Variants in PCCB observed in about 807,000 individuals in gnomAD.
PCCB encodes propionyl-CoA carboxylase beta chain, mitochondrial.
Under a neutral mutation model 60.7 loss-of-function variants are expected in PCCB, and 43 were observed. That is an observed-to-expected ratio of 0.71 (90% CI 0.55 to 0.91). The LOEUF (loss-of-function observed/expected upper bound fraction) is 0.91. Ranked by LOEUF, PCCB falls within the 40% of genes least tolerant of loss-of-function variation. The pLI is 0.00. For synonymous variants in PCCB, 276 were observed against 255.9 expected (o/e 1.08, Z -0.75); for missense variants, 766 against 702.8 (o/e 1.09, Z -1.02).
chr3:136,327,429 A>T (rs1470938247), intron 12 of PCCB, among the ~76,000 whole-genome samples, 174 bp downstream of exon 12: 1 of 152,178 alleles, frequency 6.6e-6, no homozygotes, highest in Non-Finnish European at 1.5e-5. Context: ...CTTTTTTAAC[A>T]CAGGGGAACT....
At position 136,250,544 on chromosome 3, in the gene PCCB, G is replaced by T; in HGVS notation, c.169G>T (p.Ala57Ser). The T allele has an allele frequency of 6.2e-7, 1 of 1,612,416 alleles. No homozygotes were observed. Among genetic ancestry groups the T allele is most frequent in the Middle Eastern group, 1.7e-4 (1 of 6,006 alleles). ...LLGGGQRRID[A>S]QHKRGKLTAR... Reference sequence around the variant, plus strand: ...GGGAGGGGGCCAACGCCGTATTGACGCGCAGCACAAGCGAGTGAGTCCTGA... The same window carrying T: ...GGGAGGGGGCCAACGCCGTATTGACTCGCAGCACAAGCGAGTGAGTCCTGA... Residue 57 changes from alanine (A) to serine (S), a missense_variant, in exon 1 of 15, where the codon GCG becomes TCG. Coordinates refer to ENST00000251654, the MANE Select transcript of PCCB (RefSeq NM_000532.5).
At chr3:136,293,633 T>C in intron 6 of PCCB, 123 bp from the exon 7 acceptor site, 1 of 774,024 alleles carries the variant, frequency 1.3e-6, no homozygotes, top group Non-Finnish European at 2.3e-6. Context: ...TTAAGCTACA[T>C]CCTATCCTCA....
intron 6 of PCCB, among the ~76,000 whole-genome samples, chr3:136,291,785 G>T (rs1933703936): frequency 6.6e-6 from 1 of 152,176 alleles, no homozygotes; most frequent in Non-Finnish European, 1.5e-5. Context: ...TTTCAGAAGG[G>T]TCTTTTTTTC....
chr3:136,250,891 C>G (rs1441907901), intron 1 of PCCB, among the ~76,000 whole-genome samples: 1 of 152,152 alleles, frequency 6.6e-6, no homozygotes, highest in Non-Finnish European at 1.5e-5. Context: ...ACAAGTGTAT[C>G]GTTAGACCAT....
chr3:136,268,084 G>GTGTGTAGATATAGATA (rs1560002278), intron 5 of PCCB, among the ~76,000 whole-genome samples: 1 of 60,944 alleles, frequency 1.6e-5, no homozygotes, highest in African/African-American at 7.5e-5. Context: ...GTGTGTGTGT[G>GTGTGTAGATATAGATA]TAGATATATA....
At chr3:136,318,216 G>A (rs758307741) in intron 10 of PCCB, among the ~76,000 whole-genome samples, 3 of 151,932 alleles carry the variant, frequency 2.0e-5, no homozygotes, top group Non-Finnish European at 2.9e-5. Flanking sequence ...GTGGTGGCAC[G>A]TGCCTGTAGT....
intron 9 of PCCB, among the ~76,000 whole-genome samples, chr3:136,312,339 A>G (rs1934701264): frequency 6.6e-6 from 1 of 152,250 alleles, no homozygotes; most frequent in South Asian, 2.1e-4. Flanking sequence ...CAAACACTGT[A>G]TGCAGTTGTA....
In PCCB at chr3:136,283,937, T is replaced by A; in HGVS notation, c.644T>A (p.Phe215Tyr). The change falls in exon 6 of 15, where the codon TTC becomes TAC. Residue 215 changes from phenylalanine (F) to tyrosine (Y), a missense_variant. Physicochemically the swap from Phe to Tyr is conservative, Grantham distance 22. Transcript: ENST00000251654. Reference sequence around the variant, plus strand: ...TCCCCAGCCCTAACAGACTTCACGTTCATGGTAAAGGTAAGAAAGAAGGGC... The same window carrying A: ...TCCCCAGCCCTAACAGACTTCACGTACATGGTAAAGGTAAGAAAGAAGGGC... Reference protein sequence around the residue: ...VYSPALTDFTFMVKDTSYLFI... With the variant: ...VYSPALTDFTYMVKDTSYLFI... 6.2e-7 allele frequency: 1 copy of A among 1,607,286 alleles called. No individual in the cohort carries two copies. Among genetic ancestry groups the A allele is most frequent in the East Asian group, 2.2e-5 (1 of 44,852 alleles).
At chr3:136,253,498 C>T (rs1257242984) in intron 1 of PCCB, among the ~76,000 whole-genome samples, 1 of 151,606 alleles carries the variant, frequency 6.6e-6, no homozygotes, top group Non-Finnish European at 1.5e-5. Context: ...GATTCTCCTG[C>T]GTTAGCCTCT....
chr3:136,254,645 G>A (rs1237509454), intron 1 of PCCB, among the ~76,000 whole-genome samples: 2 of 145,682 alleles, frequency 1.4e-5, no homozygotes, highest in East Asian at 4.2e-4. Context: ...TGATTCTCCT[G>A]CCTCAGCCTC....
intron 10 of PCCB, among the ~76,000 whole-genome samples, chr3:136,322,606 A>G (rs1456797051): frequency 6.6e-6 from 1 of 152,214 alleles, no homozygotes; most frequent in African/African-American, 2.4e-5. Context: ...TAAATTATGT[A>G]GGAAATAAAA....
intron 5 of PCCB, among the ~76,000 whole-genome samples, chr3:136,263,962 A>G (rs995694639): frequency 9.9e-5 from 15 of 152,008 alleles, no homozygotes; most frequent in Non-Finnish European, 2.1e-4. Flanking sequence ...CAGTGAGCCA[A>G]GATTGTGCCA....
At chr3:136,272,423 A>G (rs1942226112) in intron 5 of PCCB, among the ~76,000 whole-genome samples, 1 of 152,122 alleles carries the variant, frequency 6.6e-6, no homozygotes, top group Non-Finnish European at 1.5e-5. Flanking sequence ...GAATAGTTTC[A>G]GTAGGATTGG....
At chr3:136,278,870 G>A (rs1942400919) in intron 5 of PCCB, among the ~76,000 whole-genome samples, 1 of 152,152 alleles carries the variant, frequency 6.6e-6, no homozygotes, top group Non-Finnish European at 1.5e-5. Flanking sequence ...TGTTCTGTCT[G>A]TTATTAGAAG....
chr3:136,301,651 G>A (rs893164865), intron 9 of PCCB, among the ~76,000 whole-genome samples: 2 of 152,064 alleles, frequency 1.3e-5, no homozygotes, highest in African/African-American at 2.4e-5. Flanking sequence ...GATGGCCAAT[G>A]CCTTCCTTAA....
At chr3:136,266,179 A>G (rs1941978774) in intron 5 of PCCB, among the ~76,000 whole-genome samples, 1 of 144,154 alleles carries the variant, frequency 6.9e-6, no homozygotes, top group Admixed American at 7.2e-5. Context: ...CCCAGGCTGG[A>G]GTGCTATGGT....
rs553561039 is a variant in PCCB, at chr3:136,316,021, C to T, written c.967-920C>T. 5.9e-5 allele frequency among the ~76,000 whole-genome samples: 9 copies of T among 151,906 alleles called. No homozygotes were observed. In the South Asian group the frequency reaches 1.9e-3, roughly 32 times the overall value. ...ATTGCTCAAGGCCAGGAATTGGAGACCAGTCTGGGCAACATAGCGAGATCT... is the reference window on the plus strand; with the variant it reads ...ATTGCTCAAGGCCAGGAATTGGAGATCAGTCTGGGCAACATAGCGAGATCT... On this transcript the variant is annotated intron_variant, in intron 9 of 14. Coordinates refer to ENST00000251654, the MANE Select transcript of PCCB (RefSeq NM_000532.5).
chr3:136,308,800 G>T (rs918806566), intron 9 of PCCB, among the ~76,000 whole-genome samples: 1 of 151,986 alleles, frequency 6.6e-6, no homozygotes. Flanking sequence ...CTCCAGCCGG[G>T]AAATAAATCT....
chr3:136,301,693 A>G (rs995985814), intron 9 of PCCB, among the ~76,000 whole-genome samples: 11 of 152,090 alleles, frequency 7.2e-5, no homozygotes, highest in African/African-American at 2.4e-4. Context: ...GTCCTTGTGC[A>G]ACACATCGTG....
Sources: gnomAD v4.1 joint callset for allele counts (sites outside exome capture counted in the v4.1 genomes callset) on GRCh38, gnomAD v4.1.1 for gene constraint, MANE v1.5 for transcripts, NCBI Gene and HGNC (gene_info 2026-07-23, HGNC 2026-07-21) for gene names.